The following PCNX3 variants were observed in gnomAD, a reference collection of about 807,000 sequenced individuals.
PCNX3 encodes pecanex 3.
A neutral mutation model predicts 207.2 loss-of-function variants in PCNX3; 58 were observed. That is an observed-to-expected ratio of 0.28 (90% CI 0.23 to 0.35). The LOEUF is 0.35. Ranked by LOEUF, PCNX3 falls within the 10% of genes least tolerant of loss-of-function variation. The pLI, the probability that PCNX3 is intolerant of heterozygous loss-of-function variation, is 1.00. For missense variants in PCNX3, 2,410 were observed against 2,774.4 expected (o/e 0.87, Z 2.95); for synonymous variants, 1,337 against 1,183.5 (o/e 1.13, Z -2.66).
chr11:65,629,473 C>T lies in PCNX3; in HGVS notation c.4001-47C>T, dbSNP rs758214296. The stretch of plus-strand genomic sequence containing the variant: ...CAGGGCCTCCCTGGGGAGGGAGCCT[C>T]GCTAACTTGTCACTTTGTCCATTTG... On this transcript the variant is annotated intron_variant, in intron 25 of 34. Transcript: ENST00000355703. 21 of 1,610,924 alleles carry T rather than the reference C, an allele frequency of 1.3e-5. No homozygotes were observed. In the East Asian group the frequency reaches 2.2e-4, roughly 17 times the overall value.
chr11:65,629,327 C>A (rs751622349), intron 24 of PCNX3, 30 bp from the exon 25 acceptor site: 1 of 1,600,854 alleles, frequency 6.2e-7, no homozygotes, highest in Non-Finnish European at 8.5e-7. Context: ...CCTTCTTGGC[C>A]AACCGCCTTG....
At chr11:65,626,188 T>G in intron 20 of PCNX3, 134 bp downstream of exon 20, 1 of 1,235,988 alleles carries the variant, frequency 8.1e-7, no homozygotes, top group East Asian at 2.5e-5. Flanking sequence ...TTCTGCTCCC[T>G]CCCTGCCCTC....
Position 65,625,494 on chromosome 11 carries a change from A to T in PCNX3, c.3119A>T (p.Lys1040Met). 1 of 1,538,820 alleles carries T rather than the reference A, an allele frequency of 6.5e-7. No homozygotes were observed. Residue 1040 changes from lysine (K) to methionine (M), a missense_variant, in exon 18 of 35, where the codon AAG becomes ATG. Around this residue, in one of 8 missense-constraint regions of PCNX3, gnomAD observed 333 missense variants for 386.8 expected, o/e 0.86. Transcript: ENST00000355703. The surrounding 1 kb of genome is among the most constrained non-coding windows in gnomAD (Gnocchi z 5.6). The part of the protein sequence containing the change: ...RAEPPDPLPD[K>M]MRQSVREVLH... ...GAGCCCCCGGACCCCTTGCCGGACA[A>T]GATGCGCCAGTCGGTGGTGAGGGGG...
Position 65,636,375 on chromosome 11 carries a change from T to C in PCNX3, c.5594-16T>C. 1.3e-6 allele frequency: 2 copies of C among 1,581,266 alleles called. No individual in the cohort carries two copies. Among genetic ancestry groups the C allele is most frequent in the Non-Finnish European group, 1.7e-6 (2 of 1,163,042 alleles). ...AGCCCAGCTGAGGCCTCTGCTGTCTTATCTGTCTCCTACAGGCAATGGTGA... is the reference window on the plus strand; with the variant it reads ...AGCCCAGCTGAGGCCTCTGCTGTCTCATCTGTCTCCTACAGGCAATGGTGA... On this transcript the variant is annotated splice_polypyrimidine_tract_variant and intron_variant, in intron 33 of 34. Transcript: ENST00000355703.
At chr11:65,619,309 C>A in intron 6 of PCNX3, 1 of 494,492 alleles carries the variant, frequency 2.0e-6, no homozygotes, top group Non-Finnish European at 2.6e-6. Context: ...CTCTCATCAT[C>A]CACACTCATC....
chr11:65,620,470 G>GGCCTGCATCTCTGGGAAGTT, intron 9 of PCNX3, 41 bp downstream of exon 9: 1 of 1,595,118 alleles, frequency 6.3e-7, no homozygotes. Context: ...TTGTCTTGGT[G>GGCCTGCATCTCTGGGAAGTT]GCCTGCATCT....
At chr11:65,627,984 G>A (rs1403197888) in intron 22 of PCNX3, among the ~76,000 whole-genome samples, 1 of 152,232 alleles carries the variant, frequency 6.6e-6, no homozygotes, top group East Asian at 1.9e-4. Flanking sequence ...TAGTGCCTGG[G>A]TGTGTATAGG....
Position 65,627,032 on chromosome 11 carries a change from G to A in PCNX3, c.3508G>A (p.Asp1170Asn). ...CGCCCACACAGTCGTCAGCCACCCG[G>A]ACAAGTACTGCTTCTAGTGAGGACC... Reference protein sequence around the residue: ...VDAHTVVSHPDKYCFYCRALL... With the variant: ...VDAHTVVSHPNKYCFYCRALL... The change falls in exon 21 of 35, where the codon GAC (aspartate) becomes AAC (asparagine). Residue 1170 changes from aspartate (D) to asparagine (N), a missense_variant. Around this residue, in one of 8 missense-constraint regions of PCNX3, gnomAD observed 333 missense variants for 386.8 expected, o/e 0.86. Coordinates refer to ENST00000355703, the MANE Select transcript of PCNX3 (RefSeq NM_032223.4). The A allele has an allele frequency of 2.0e-6, 3 of 1,523,734 alleles. No individual in the cohort carries two copies. Among genetic ancestry groups the A allele is most frequent in the African/African-American group, 1.4e-5 (1 of 71,888 alleles). 94.4% of individuals were successfully genotyped at this position (1,523,734 alleles called of 1,614,324 possible).
chr11:65,631,094 G>T (rs935730079), intron 27 of PCNX3, among the ~76,000 whole-genome samples: 2 of 152,220 alleles, frequency 1.3e-5, no homozygotes, highest in Non-Finnish European at 2.9e-5. Context: ...GCTTGCAGAG[G>T]TTCCAGAATC....
At chr11:65,627,739 C>T (rs1855462680) in intron 22 of PCNX3, among the ~76,000 whole-genome samples, 157 bp downstream of exon 22, 1 of 152,078 alleles carries the variant, frequency 6.6e-6, no homozygotes, top group South Asian at 2.1e-4. Context: ...GGGTTACTTC[C>T]ACCCTCTACA....
rs777501748 is a variant in PCNX3 at position 65,616,268 on chromosome 11, A to T, written c.-44A>T. ...GGGGCATGGGCCGGGGGCCGCCCCC[A>T]TGAGGGTCCCGGGAGGGGGGGCGCG... On this transcript the variant is annotated 5_prime_UTR_variant, in exon 1 of 35. The change abolishes an upstream ATG in the 5' untranslated region. Transcript: ENST00000355703. 3 of 1,483,612 alleles carry T rather than the reference A, an allele frequency of 2.0e-6. No individual in the cohort carries two copies. The highest frequency in any genetic ancestry group is 1.4e-5 in the African/African-American group (1 of 71,028). 91.9% of individuals were successfully genotyped at this position (1,483,612 alleles called of 1,614,324 possible). A position where few individuals can be genotyped will look rare whatever the true frequency, so the allele number is the denominator to read the frequency against.
chr11:65,619,293 T>TGA (rs1854940523), intron 6 of PCNX3: 1 of 417,780 alleles, frequency 2.4e-6, no homozygotes, highest in African/African-American at 2.2e-5. Context: ...CTCTGTCCCC[T>TGA]GAGGACTCTC....
Position 65,637,106 on chromosome 11 carries a change from G to T in PCNX3, c.*128G>T. The T allele has an allele frequency of 2.8e-6, 3 of 1,063,348 alleles. No homozygotes were observed. The highest frequency in any genetic ancestry group is 4.0e-6 in the Non-Finnish European group (3 of 742,972). 65.9% of individuals were successfully genotyped at this position (1,063,348 alleles called of 1,614,324 possible). A position where few individuals can be genotyped will look rare whatever the true frequency, so the allele number is the denominator to read the frequency against. On this transcript the variant is annotated 3_prime_UTR_variant, in exon 35 of 35. Transcript: ENST00000355703. ...TGAACCCTGACCTTTGGCTGCCTTG[G>T]CCAGAGTACCAAAACTGAGTGACCC...
rs777517481 is a variant in PCNX3 at position 65,618,024 on chromosome 11, C to T, written c.662C>T (p.Ala221Val). ...STDSSEPSPLAGDGAPWSGSS... is the reference protein window; with the variant it reads ...STDSSEPSPLVGDGAPWSGSS... ...GACTCTTCAGAGCCTTCTCCCCTGGCTGGAGATGGAGCGCCCTGGAGTGGG... is the reference window on the plus strand; with the variant it reads ...GACTCTTCAGAGCCTTCTCCCCTGGTTGGAGATGGAGCGCCCTGGAGTGGG... Residue 221 changes from alanine to valine, a missense_variant, in exon 6 of 35, where the codon GCT (alanine) becomes GTT (valine). Physicochemically the swap from Ala to Val is moderately conservative, Grantham distance 64. Around this residue, in one of 8 missense-constraint regions of PCNX3, gnomAD observed 1,104 missense variants for 970.3 expected, o/e 1.14. Coordinates refer to ENST00000355703, the MANE Select transcript of PCNX3 (RefSeq NM_032223.4). The T allele has an allele frequency of 3.7e-6, 6 of 1,609,130 alleles. No homozygotes were observed. In the South Asian group the frequency reaches 4.4e-5, roughly 12 times the overall value.
chr11:65,624,862 G>C, intron 15 of PCNX3, 63 bp from the exon 16 acceptor site: 1 of 1,491,288 alleles, frequency 6.7e-7, no homozygotes, highest in Non-Finnish European at 9.1e-7. Flanking sequence ...GGGGAAGCGC[G>C]GCTAGGGTTG....
In PCNX3 at chr11:65,637,158, C is replaced by T. The variant is rs964573694; in HGVS notation, c.*180C>T. On this transcript the variant is annotated 3_prime_UTR_variant, in exon 35 of 35. Transcript: ENST00000355703. ...GACCTCTGACCTTGACCCCTGATCT[C>T]TCTCATCCCCAGTCCAGGGCCTGGG... The T allele has an allele frequency of 1.6e-5, 11 of 678,798 alleles. No individual in the cohort carries two copies. Among genetic ancestry groups the T allele is most frequent in the African/African-American group, 3.6e-5 (2 of 55,402 alleles). The allele number at this position is 678,798 out of a possible 1,614,324, so 42.0% of individuals were successfully genotyped here. A position where few individuals can be genotyped will look rare whatever the true frequency, so the allele number is the denominator to read the frequency against.
rs775012066 is a variant in PCNX3 at position 65,626,971 on chromosome 11, C to T, written c.3447C>T (p.Ile1149=). Residue 1149 remains isoleucine, a synonymous_variant, in exon 21 of 35, where the codon ATC becomes ATT. Coordinates refer to ENST00000355703, the MANE Select transcript of PCNX3 (RefSeq NM_032223.4). ...AGLQCVEKYL[I]YPAVVLNALT... The stretch of plus-strand genomic sequence containing the variant: ...TGCAGTGCGTAGAGAAGTACCTCAT[C>T]TACCCCGCCGTGGTGCTCAACGCCC... 3 of 1,564,382 alleles carry T rather than the reference C, an allele frequency of 1.9e-6. No individual in the cohort carries two copies. The Admixed American group carries it at 5.7e-5, about 30-fold the overall frequency.
chr11:65,618,507 G>A lies in PCNX3; in HGVS notation c.1145G>A (p.Arg382Gln). ...CTGGCTGAGCCGCTCCTGGTCGTGC[G>A]GCCCAAGGACTTGGCCCTGCTACGG... ...PGLAEPLLVV[R>Q]PKDLALLRPS... Residue 382 changes from arginine to glutamine, a missense_variant, in exon 6 of 35, where the codon CGG becomes CAG. Arg to Gln is a conservative substitution (Grantham distance 43, BLOSUM62 1). This residue lies in a region of PCNX3 where 1,104 missense variants were observed against 970.3 expected (regional missense o/e 1.14). Transcript: ENST00000355703. 1 of 1,610,868 alleles carries A rather than the reference G, an allele frequency of 6.2e-7. No individual in the cohort carries two copies. Among genetic ancestry groups the A allele is most frequent in the Non-Finnish European group, 8.5e-7 (1 of 1,179,072 alleles).
intron 23 of PCNX3, 50 bp from the exon 24 acceptor site, chr11:65,628,769 T>TGGGGGGGGG: frequency 3.3e-6 from 1 of 299,590 alleles, no homozygotes; most frequent in Non-Finnish European, 5.6e-6. Flanking sequence ...TGGGGGGTGG[T>TGGGGGGGGG]GGGGGGCTGG....
Sources: gnomAD v4.1 joint callset for allele counts (sites outside exome capture counted in the v4.1 genomes callset) on GRCh38, gnomAD v4.1.1 for gene constraint, gnomAD v4.1.1 regional missense constraint, Gnocchi (gnomAD v3.1) non-coding constraint, MANE v1.5 for transcripts, NCBI Gene and HGNC (gene_info 2026-07-23, HGNC 2026-07-21) for gene names.